The following FGF7 variants were observed in gnomAD, a reference collection of about 807,000 sequenced individuals.
FGF7 encodes FGF-7.
In FGF7, 6 loss-of-function variants were observed where a neutral mutation model predicts 20.5. That is an observed-to-expected ratio of 0.29 (90% CI 0.16 to 0.58). FGF7 has a LOEUF of 0.58. FGF7 is among the 20% of genes least tolerant of loss of function. FGF7 has a pLI of 0.90. For missense variants in FGF7, 144 were observed against 228.8 expected (o/e 0.63, Z 2.39); for synonymous variants, 64 against 74.7 (o/e 0.86, Z 0.74).
At chr15:49,439,755 T>C (rs548230668) in intron 2 of FGF7, among the ~76,000 whole-genome samples, 1 of 151,848 alleles carries the variant, frequency 6.6e-6, no homozygotes, top group South Asian at 2.1e-4. Context: ...CCTTATACCA[T>C]GTGTTAATAC....
At chr15:49,431,054 C>T (rs1357712633) in intron 2 of FGF7, among the ~76,000 whole-genome samples, 2 of 151,854 alleles carry the variant, frequency 1.3e-5, no homozygotes, top group African/African-American at 2.4e-5. Context: ...ACTTCTCTAA[C>T]ATCACTATTG....
At chr15:49,456,149 AT>A (rs1043125515) in intron 2 of FGF7, among the ~76,000 whole-genome samples, 4 of 152,002 alleles carry the variant, frequency 2.6e-5, no homozygotes, top group African/African-American at 7.2e-5. Flanking sequence ...TTTGATTGAG[AT>A]TTTTTTCAGT....
intron 2 of FGF7, among the ~76,000 whole-genome samples, chr15:49,438,546 G>T (rs555278997): frequency 1.5e-4 from 23 of 151,522 alleles, no homozygotes; most frequent in African/African-American, 5.3e-4. Flanking sequence ...GCATTATTTT[G>T]TATAAATATT....
intron 2 of FGF7, 169 bp downstream of exon 2, chr15:49,424,752 C>G (rs2049981045): frequency 2.0e-6 from 1 of 503,390 alleles, no homozygotes; most frequent in Middle Eastern, 5.4e-4. Context: ...AAAAATATCT[C>G]TTTTAACAGG....
At position 49,476,692 on chromosome 15, in the gene FGF7, A is replaced by G. The variant is rs1172899489; in HGVS notation, c.287-6459A>G. On this transcript the variant is annotated intron_variant, in intron 2 of 3. Transcript: ENST00000267843. ...TAGTTTCTCTACACTCAATGATATT[A>G]TATTATTAAAGTCAGCTGCATTTAA... Among the ~76,000 whole-genome samples, 3 of 152,214 alleles carry G rather than the reference A, an allele frequency of 2.0e-5. No homozygotes were observed. In the East Asian group the frequency reaches 5.8e-4, roughly 29 times the overall value.
chr15:49,432,809 T>A (rs1296673700), intron 2 of FGF7, among the ~76,000 whole-genome samples: 3 of 151,594 alleles, frequency 2.0e-5, no homozygotes, highest in African/African-American at 7.3e-5. Flanking sequence ...AAGCCTAATT[T>A]AAAATTCTTT....
At chr15:49,453,357 G>A (rs577144379) in intron 2 of FGF7, among the ~76,000 whole-genome samples, 13 of 152,052 alleles carry the variant, frequency 8.5e-5, no homozygotes, top group Middle Eastern at 3.4e-3. Flanking sequence ...GCTCACCTCC[G>A]CCTCCCAAAG....
chr15:49,428,217 A>C (rs1214705157), intron 2 of FGF7, among the ~76,000 whole-genome samples: 2 of 151,972 alleles, frequency 1.3e-5, no homozygotes, highest in Non-Finnish European at 2.9e-5. Context: ...CAGGAGGCAG[A>C]AAGTCTCTCC....
At chr15:49,431,470 G>C (rs1192890596) in intron 2 of FGF7, among the ~76,000 whole-genome samples, 2 of 151,728 alleles carry the variant, frequency 1.3e-5, no homozygotes, top group African/African-American at 4.8e-5. Flanking sequence ...TGAGAGAGGA[G>C]AATTATCCAG....
At chr15:49,475,973 G>C (rs1320564638) in intron 2 of FGF7, among the ~76,000 whole-genome samples, 2 of 152,104 alleles carry the variant, frequency 1.3e-5, no homozygotes, top group African/African-American at 4.8e-5. Flanking sequence ...TCACTATTTT[G>C]TTACACTTCC....
intron 2 of FGF7, among the ~76,000 whole-genome samples, chr15:49,475,301 T>C (rs1165465908): frequency 1.2e-4 from 19 of 152,102 alleles, no homozygotes; most frequent in African/African-American, 4.3e-4. Flanking sequence ...ATAAAGAGAT[T>C]AGAAGTTAGG....
intron 2 of FGF7, among the ~76,000 whole-genome samples, chr15:49,451,320 A>T (rs1264739643): frequency 2.0e-5 from 3 of 152,066 alleles, no homozygotes; most frequent in Admixed American, 6.6e-5. Context: ...AAACTAAAAA[A>T]GTTTTATTAG....
intron 2 of FGF7, among the ~76,000 whole-genome samples, chr15:49,475,706 G>C (rs1414637339): frequency 6.6e-6 from 1 of 151,982 alleles, no homozygotes; most frequent in Non-Finnish European, 1.5e-5. Context: ...TTTACAGCTG[G>C]GGCGGGCACG....
intron 2 of FGF7, among the ~76,000 whole-genome samples, chr15:49,438,938 A>G (rs1237343490): frequency 2.0e-5 from 3 of 151,618 alleles, no homozygotes; most frequent in African/African-American, 4.8e-5. Context: ...CTATTGTTGC[A>G]TAACAAGTTA....
At chr15:49,435,942 T>G (rs1444400753) in intron 2 of FGF7, among the ~76,000 whole-genome samples, 2 of 151,550 alleles carry the variant, frequency 1.3e-5, no homozygotes, top group Admixed American at 1.3e-4. Context: ...ATGTTAATTC[T>G]TTAAAAATAC....
chr15:49,483,763 T>C (rs1368429673), intron 3 of FGF7, among the ~76,000 whole-genome samples: 1 of 152,066 alleles, frequency 6.6e-6, no homozygotes, highest in East Asian at 1.9e-4. Context: ...TAATAAAATA[T>C]AATTGGCTTT....
At chr15:49,483,110 C>T (rs1293153225) in intron 2 of FGF7, 41 bp from the exon 3 acceptor site, 1 of 1,126,768 alleles carries the variant, frequency 8.9e-7, no homozygotes, top group Non-Finnish European at 1.3e-6. Flanking sequence ...ATTTGCAAAA[C>T]TGAACGAATA....
chr15:49,442,679 A>G (rs1412649938), intron 2 of FGF7, among the ~76,000 whole-genome samples: 1 of 151,744 alleles, frequency 6.6e-6, no homozygotes, highest in Non-Finnish European at 1.5e-5. Flanking sequence ...CTGCCATTAT[A>G]AAGCTGCAGG....
intron 2 of FGF7, among the ~76,000 whole-genome samples, chr15:49,439,513 T>C (rs2051432708): frequency 6.6e-6 from 1 of 151,756 alleles, no homozygotes; most frequent in East Asian, 1.9e-4. Flanking sequence ...CTAACTACCA[T>C]GCATGGTTTT....
Sources: allele counts gnomAD v4.1 joint callset (sites outside exome capture counted in the v4.1 genomes callset), GRCh38; gene constraint gnomAD v4.1.1; transcripts MANE v1.5; gene names NCBI Gene and HGNC (gene_info 2026-07-23, HGNC 2026-07-21).